Variants in LRIF1 observed in about 807,000 individuals in gnomAD.
LRIF1 encodes ligand-dependent nuclear receptor-interacting factor 1.
In LRIF1, 32 loss-of-function variants were observed where a neutral mutation model predicts 52.7. The ratio of observed to expected loss-of-function variants is 0.61; its 90% CI spans 0.46 to 0.82. LRIF1 has a LOEUF of 0.82. Ranked by LOEUF, LRIF1 falls within the 40% of genes least tolerant of loss-of-function variation. LRIF1 has a pLI of 0.00. For missense variants in LRIF1, 887 were observed against 892.0 expected (o/e 0.99, Z 0.07); for synonymous variants, 323 against 317.4 (o/e 1.02, Z -0.19).
chr1:110,923,798 A>G, the LRIF1 span, among the ~76,000 whole-genome samples: 8 of 152,180 alleles, frequency 5.3e-5, no homozygotes, highest in Non-Finnish European at 1.2e-4. Flanking sequence ...AAAAGAGTGA[A>G]TATTAAAGAG....
chr1:110,961,519 T>C (rs1363119732), intron 1 of LRIF1, among the ~76,000 whole-genome samples: 1 of 152,196 alleles, frequency 6.6e-6, no homozygotes, highest in Non-Finnish European at 1.5e-5. Context: ...TCCTTTGTAC[T>C]CTAAGATTAA....
chr1:110,874,969 TAG>T, the LRIF1 span, among the ~76,000 whole-genome samples: 2 of 152,172 alleles, frequency 1.3e-5, no homozygotes, highest in Admixed American at 6.5e-5. Flanking sequence ...AAAGGAGTTG[TAG>T]AGTTTATTAT....
At chr1:110,894,221 G>A in the LRIF1 span, 2 of 913,204 alleles carry the variant, frequency 2.2e-6, 1 homozygote, top group Middle Eastern at 4.3e-4. Flanking sequence ...AGGCAGAACA[G>A]GAACACCCTG....
chr1:110,942,191 T>A (rs995549419), downstream of LRIF1: 2 of 152,132 alleles, frequency 1.3e-5, no homozygotes, highest in Non-Finnish European at 2.9e-5. Flanking sequence ...TAATAAACTT[T>A]TGCATTCCCA....
At chr1:110,891,449 T>G in the LRIF1 span, 1 of 1,613,972 alleles carries the variant, frequency 6.2e-7, no homozygotes, top group Non-Finnish European at 8.5e-7. Flanking sequence ...TATGTCCTGT[T>G]TTTCTTCAAC....
chr1:110,948,436 A>G (rs781777984), intron 3 of LRIF1, 37 bp from the exon 4 acceptor site: 2 of 1,570,000 alleles, frequency 1.3e-6, no homozygotes, highest in Non-Finnish European at 1.7e-6. Context: ...CAAAAACGAA[A>G]TGTTACTGCT....
At chr1:110,875,105 G>A in the LRIF1 span, among the ~76,000 whole-genome samples, 1 of 152,134 alleles carries the variant, frequency 6.6e-6, no homozygotes, top group East Asian at 1.9e-4. Context: ...GTGACTGGTG[G>A]GTTCACTTTC....
chr1:110,914,669 C>T, the LRIF1 span, among the ~76,000 whole-genome samples: 1 of 152,120 alleles, frequency 6.6e-6, no homozygotes, highest in Non-Finnish European at 1.5e-5. Flanking sequence ...AGGAGAATCA[C>T]TTGAACCCAG....
At chr1:110,942,029 C>T in the LRIF1 span, 1 of 152,024 alleles carries the variant, frequency 6.6e-6, no homozygotes. Context: ...TTGGAAATCA[C>T]TCCATATTAG....
the LRIF1 span, among the ~76,000 whole-genome samples, chr1:110,917,638 T>C: frequency 5.8e-5 from 5 of 86,900 alleles, no homozygotes; most frequent in Non-Finnish European, 2.3e-5. Flanking sequence ...TTTTTTGTTT[T>C]TTTGTTTTTG....
chr1:110,886,869 A>ATATATATATATTTTT, the LRIF1 span, among the ~76,000 whole-genome samples: 118 of 82,742 alleles, frequency 1.4e-3, no homozygotes, highest in South Asian at 2.1e-3. Context: ...ATATATATAT[A>ATATATATATATTTTT]TTTTTTTTTT....
chr1:110,910,194 G>A, the LRIF1 span, among the ~76,000 whole-genome samples: 9 of 149,888 alleles, frequency 6.0e-5, no homozygotes, highest in African/African-American at 1.7e-4. Flanking sequence ...AACAGACATC[G>A]ACAGAATGCT....
rs1201436591 is a variant in LRIF1, at chr1:110,951,672, G to A, written c.1212C>T (p.Val404=). The A allele has an allele frequency of 6.2e-7, 1 of 1,614,032 alleles. No individual in the cohort carries two copies. Among genetic ancestry groups the A allele is most frequent in the South Asian group, 1.1e-5 (1 of 91,066 alleles). ...TTACAACCTCTCTGGATATTTCTGT[G>A]ACTGGACTTGAACTCACTGTCTGTA... ...DTLQTVSSSP[V]TEISREVVNI... Residue 404 remains valine (V), a synonymous_variant, in exon 2 of 4, where the codon GTC becomes GTT. Transcript: ENST00000369763.
chr1:110,897,100 T>C, the LRIF1 span, among the ~76,000 whole-genome samples: 1 of 152,244 alleles, frequency 6.6e-6, no homozygotes, highest in African/African-American at 2.4e-5. Flanking sequence ...CTCTCCCTCT[T>C]TCTCTGCTCT....
intron 1 of LRIF1, among the ~76,000 whole-genome samples, chr1:110,959,617 G>A (rs915851255): frequency 6.6e-6 from 1 of 151,632 alleles, no homozygotes; most frequent in Non-Finnish European, 1.5e-5. Context: ...GGGCGTGGTG[G>A]CACACGCCTG....
At position 110,948,157 on chromosome 1, in the gene LRIF1, C is replaced by T. The variant is rs748565882; in HGVS notation, c.2112G>A (p.Glu704=). Residue 704 remains glutamate (E), a synonymous_variant, in exon 4 of 4, where the codon GAG becomes GAA. Coordinates refer to ENST00000369763, the MANE Select transcript of LRIF1 (RefSeq NM_018372.4). ...EMEYYTHEKQ[E]KGTLNSNAAY... ...CTGCATTTGAATTCAAAGTGCCTTT[C>T]TCTTGCTTCTCATGGGTATAGTATT... 1.9e-6 allele frequency: 3 copies of T among 1,614,056 alleles called. No individual in the cohort carries two copies. In the East Asian group the frequency reaches 6.7e-5, roughly 36 times the overall value.
the LRIF1 span, among the ~76,000 whole-genome samples, chr1:110,921,827 A>T: frequency 1.3e-5 from 2 of 152,124 alleles, no homozygotes; most frequent in African/African-American, 4.8e-5. Context: ...ACCTTTTTTA[A>T]AAAAAGCTTT....
At chr1:110,884,980 T>C in the LRIF1 span, among the ~76,000 whole-genome samples, 8 of 152,314 alleles carry the variant, frequency 5.3e-5, no homozygotes, top group East Asian at 1.3e-3. Context: ...AGCATATTTG[T>C]TTTTTATTTG....
chr1:110,907,738 A>C, the LRIF1 span, among the ~76,000 whole-genome samples: 4 of 152,174 alleles, frequency 2.6e-5, no homozygotes, highest in African/African-American at 9.7e-5. Context: ...CATCTCACAC[A>C]CACAAAAAAA....
Sources: gnomAD v4.1 joint callset for allele counts (sites outside exome capture counted in the v4.1 genomes callset) on GRCh38, gnomAD v4.1.1 for gene constraint, MANE v1.5 for transcripts, NCBI Gene and HGNC (gene_info 2026-07-23, HGNC 2026-07-21) for gene names.